The following DPP10 variants were observed in gnomAD, a reference collection of about 807,000 sequenced individuals.
The protein encoded by DPP10 is dipeptidyl peptidase like 10.
Under a neutral mutation model 120.9 loss-of-function variants are expected in DPP10, and 33 were observed. The observed-to-expected ratio is 0.27, with a 90% CI of 0.21 to 0.37. The LOEUF (loss-of-function observed/expected upper bound fraction) is 0.37, where lower values mean the gene tolerates loss of function less well. Among genes scored for constraint, DPP10 ranks in the 10% least tolerant of loss-of-function variants. The probability of loss-of-function intolerance (pLI) is 1.00; values close to 1 mark genes in which losing one functional copy is unlikely to be tolerated. For missense variants in DPP10, 816 were observed against 942.8 expected, an observed-to-expected ratio of 0.87 and a Z score of 1.76; for synonymous variants, 337 against 326.1, an observed-to-expected ratio of 1.03 and a Z score of -0.36.
chr2:115,335,152 A>C (rs1396263369), intron 2 of DPP10, among the ~76,000 whole-genome samples: 1 of 151,808 alleles, frequency 6.6e-6, no homozygotes, highest in Non-Finnish European at 1.5e-5. Context: ...AAACCGTGAG[A>C]TCTCATGAGA....
At chr2:114,687,968 C>T (rs1699482136) in intron 1 of DPP10, among the ~76,000 whole-genome samples, 1 of 151,968 alleles carries the variant, frequency 6.6e-6, no homozygotes, top group African/African-American at 2.4e-5. Context: ...AACATTTCTT[C>T]TAATTCTATC....
At chr2:115,208,052 A>G (rs2056267643) in intron 1 of DPP10, among the ~76,000 whole-genome samples, 1 of 152,194 alleles carries the variant, frequency 6.6e-6, no homozygotes, top group Non-Finnish European at 1.5e-5. Flanking sequence ...AAATCCACTA[A>G]TCTAAGCCCA....
intron 1 of DPP10, among the ~76,000 whole-genome samples, chr2:115,021,787 C>T (rs1159589821): frequency 1.3e-5 from 2 of 152,008 alleles, no homozygotes; most frequent in South Asian, 2.1e-4. Context: ...ACAAATCCAA[C>T]AGCATATCAA....
intron 1 of DPP10, among the ~76,000 whole-genome samples, chr2:114,889,528 C>G (rs6754444): frequency 6.6e-6 from 1 of 151,680 alleles, no homozygotes; most frequent in East Asian, 1.9e-4. Context: ...AATAATGTAA[C>G]TTTTAGGGTT....
At chr2:115,593,800 CTTA>C (rs1424368961) in intron 5 of DPP10, among the ~76,000 whole-genome samples, 5 of 152,130 alleles carry the variant, frequency 3.3e-5, no homozygotes, top group African/African-American at 1.2e-4. Context: ...AAGTTTTAGT[CTTA>C]TTATACTTGG....
chr2:115,549,495 G>C (rs1293429067), intron 5 of DPP10, among the ~76,000 whole-genome samples: 1 of 152,006 alleles, frequency 6.6e-6, no homozygotes, highest in Non-Finnish European at 1.5e-5. Flanking sequence ...ATTTCAAGAT[G>C]ACTGTTTCTG....
chr2:115,747,730 A>G (rs1678172446), intron 10 of DPP10, among the ~76,000 whole-genome samples: 1 of 151,822 alleles, frequency 6.6e-6, no homozygotes, highest in Non-Finnish European at 1.5e-5. Context: ...AATAGCTGGG[A>G]GTACAGGCAC....
rs1162336995 is a variant in DPP10, at chr2:115,302,203, G to A, written c.61-7036G>A. On this transcript the variant is annotated intron_variant, in intron 1 of 25. Coordinates refer to ENST00000410059, the MANE Select transcript of DPP10 (RefSeq NM_020868.6). Reference sequence around the variant, plus strand: ...CTCACTATCATGAGAAGAGCAAGAGGGAAATCTGCCCCCCGTCATCCACCA... The same window carrying A: ...CTCACTATCATGAGAAGAGCAAGAGAGAAATCTGCCCCCCGTCATCCACCA... Among the ~76,000 whole-genome samples, 10 of 151,558 alleles carry A rather than the reference G, an allele frequency of 6.6e-5. No individual in the cohort carries two copies. The Admixed American group carries it at 6.7e-4, about 10-fold the overall frequency.
intron 1 of DPP10, among the ~76,000 whole-genome samples, chr2:114,933,895 T>C (rs976495532): frequency 2.6e-5 from 4 of 152,132 alleles, no homozygotes; most frequent in African/African-American, 9.7e-5. Context: ...CATTGAGACA[T>C]TGCTGAACAC....
intron 1 of DPP10, among the ~76,000 whole-genome samples, chr2:114,504,351 A>G (rs1340645064): frequency 2.0e-5 from 3 of 152,116 alleles, no homozygotes; most frequent in Non-Finnish European, 2.9e-5. Flanking sequence ...GCTCTTGTGT[A>G]TAATCCACTT....
At chr2:115,695,748 G>C (rs2091550695) in intron 7 of DPP10, among the ~76,000 whole-genome samples, 2 of 152,174 alleles carry the variant, frequency 1.3e-5, no homozygotes, top group Middle Eastern at 3.4e-3. Flanking sequence ...AAATTGTCTG[G>C]TTTTCAACAA....
intron 1 of DPP10, among the ~76,000 whole-genome samples, chr2:115,217,008 T>C (rs1340478168): frequency 2.0e-5 from 3 of 152,012 alleles, no homozygotes; most frequent in East Asian, 1.9e-4. Context: ...CAAATAGATA[T>C]GTGTTGTGTG....
intron 1 of DPP10, among the ~76,000 whole-genome samples, chr2:115,043,210 T>C (rs1307781577): frequency 6.6e-6 from 1 of 152,212 alleles, no homozygotes; most frequent in Non-Finnish European, 1.5e-5. Flanking sequence ...AATGTTTTTC[T>C]CTTTAAAATA....
intron 1 of DPP10, among the ~76,000 whole-genome samples, chr2:114,764,215 T>G (rs933673718): frequency 4.0e-5 from 6 of 151,740 alleles, no homozygotes; most frequent in Non-Finnish European, 5.9e-5. Flanking sequence ...TTTTATATTA[T>G]GTATACTGCA....
At chr2:114,600,821 T>A (rs1331838284) in intron 1 of DPP10, among the ~76,000 whole-genome samples, 1 of 151,936 alleles carries the variant, frequency 6.6e-6, no homozygotes, top group African/African-American at 2.4e-5. Flanking sequence ...TGAACTGTTT[T>A]ATCTCACTTA....
chr2:114,633,248 C>CTTTTTTTTT (rs35372708), intron 1 of DPP10, among the ~76,000 whole-genome samples: 7 of 72,810 alleles, frequency 9.6e-5, no homozygotes, highest in Admixed American at 1.7e-4. Flanking sequence ...GTTTTTCTTT[C>CTTTTTTTTT]TTTTTTTTTT....
Position 115,434,307 on chromosome 2 carries a change from T to A in DPP10, c.272-65203T>A, listed in dbSNP as rs557146047. Among the ~76,000 whole-genome samples the A allele has an allele frequency of 2.6e-5, 4 of 152,106 alleles. No individual in the cohort carries two copies. In the East Asian group the frequency reaches 7.7e-4, roughly 29 times the overall value. The stretch of plus-strand genomic sequence containing the variant: ...CAACCATTTGAAACACTGGCTGATA[T>A]CATGGCCAGGTAAATTGTGTCCTTT... On this transcript the variant is annotated intron_variant, in intron 3 of 25. Coordinates refer to ENST00000410059, the MANE Select transcript of DPP10 (RefSeq NM_020868.6).
chr2:115,374,187 A>G (rs889618103), intron 3 of DPP10, among the ~76,000 whole-genome samples: 2 of 152,156 alleles, frequency 1.3e-5, no homozygotes, highest in African/African-American at 4.8e-5. Context: ...AACTCATTCC[A>G]GGAATAACTC....
chr2:114,793,799 C>A (rs1683455928), intron 1 of DPP10, among the ~76,000 whole-genome samples: 1 of 152,166 alleles, frequency 6.6e-6, no homozygotes, highest in African/African-American at 2.4e-5. Flanking sequence ...TTGACCCCCT[C>A]ATTCTCCCTC....
Sources: gnomAD v4.1 joint callset for allele counts (sites outside exome capture counted in the v4.1 genomes callset) on GRCh38, gnomAD v4.1.1 for gene constraint, MANE v1.5 for transcripts, NCBI Gene and HGNC (gene_info 2026-07-23, HGNC 2026-07-21) for gene names.